The following MRS2 variants were observed in gnomAD, a reference collection of about 807,000 sequenced individuals.
MRS2 encodes the protein magnesium transporter MRS2 homolog, mitochondrial.
In MRS2, 40 loss-of-function variants were observed where a neutral mutation model predicts 52.6. The ratio of observed to expected loss-of-function variants is 0.76; its 90% CI spans 0.59 to 0.99. The LOEUF (loss-of-function observed/expected upper bound fraction) is 0.99, where lower values mean the gene tolerates loss of function less well. Ranked by LOEUF, MRS2 falls within the 50% of genes least tolerant of loss-of-function variation. The pLI, the probability that MRS2 is intolerant of heterozygous loss-of-function variation, is 0.00. For synonymous variants in MRS2, 193 were observed against 195.9 expected, an observed-to-expected ratio of 0.98 and a Z score of 0.13; for missense variants, 472 against 532.7, an observed-to-expected ratio of 0.89 and a Z score of 1.12.
chr6:24,408,403 T>A lies in MRS2; in HGVS notation c.265-5T>A. On this transcript the variant is annotated splice_region_variant and splice_polypyrimidine_tract_variant and intron_variant, in intron 2 of 10. Transcript: ENST00000378386. ...ATCATAATTTGTTTTATTCTCTATT[T>A]TCAGACAAAATTTGACAAACAGGGA... is the stretch of plus-strand genomic sequence containing the variant. 1 of 1,569,960 alleles carries A rather than the reference T, an allele frequency of 6.4e-7. No homozygotes were observed.
At chr6:24,417,287 C>T (rs1012696274) in intron 7 of MRS2, among the ~76,000 whole-genome samples, 5 of 152,138 alleles carry the variant, frequency 3.3e-5, no homozygotes, top group African/African-American at 7.2e-5. Flanking sequence ...GTACTTCATT[C>T]CCCCTTACCC....
In MRS2 at chr6:24,423,181, TTTCC is replaced by T. The variant is rs1762111172; in HGVS notation, c.1221+132_1221+135del. ...AGTTGCTTTCTCAAACTTCCTTCAG[TTTCC>T]CTATCTGTCAGTTAAGTCGGTATTA... On this transcript the variant is annotated intron_variant, in intron 10 of 10. Transcript: ENST00000378386. 12 of 669,574 alleles carry T rather than the reference TTTCC, an allele frequency of 1.8e-5. No homozygotes were observed. In the East Asian group the frequency reaches 3.1e-4, roughly 17 times the overall value. The allele number at this position is 669,574 out of a possible 1,614,324, so 41.5% of individuals were successfully genotyped here.
rs1261408144 is a variant in MRS2, at chr6:24,403,148, T to C, written c.102T>C (p.Pro34=). 1 of 1,610,890 alleles carries C rather than the reference T, an allele frequency of 6.2e-7. No individual in the cohort carries two copies. The highest frequency in any genetic ancestry group is 1.3e-5 in the African/African-American group (1 of 75,048). ...ALALDVTSVG[P]PVAACGRRAN... is the part of the protein sequence containing the mutation. ...CCTTGGACGTGACCTCTGTGGGTCC[T>C]CCCGTTGCTGCCTGCGGCCGCCGAG... is the stretch of plus-strand genomic sequence containing the variant. The change falls in exon 1 of 11, where the codon CCT becomes CCC. Residue 34 remains proline (P), a synonymous_variant. Coordinates refer to ENST00000378386, the MANE Select transcript of MRS2 (RefSeq NM_020662.4).
At chr6:24,420,740 G>C (rs553287336) in intron 9 of MRS2, among the ~76,000 whole-genome samples, 1 of 152,220 alleles carries the variant, frequency 6.6e-6, no homozygotes, top group South Asian at 2.1e-4. Context: ...AGGAAGATCT[G>C]GGGGAGAGTG....
chr6:24,408,155 C>T (rs545554450), intron 2 of MRS2, among the ~76,000 whole-genome samples: 1 of 152,230 alleles, frequency 6.6e-6, no homozygotes, highest in East Asian at 1.9e-4. Context: ...CCTTTATCAA[C>T]TTTCTAGAGG....
rs1336809479 is a variant in MRS2 at position 24,408,401 on chromosome 6, T to G, written c.265-7T>G. The G allele has an allele frequency of 6.4e-7, 1 of 1,561,448 alleles. No individual in the cohort carries two copies. The highest frequency in any genetic ancestry group is 1.4e-5 in the African/African-American group (1 of 73,766). On this transcript the variant is annotated splice_region_variant and splice_polypyrimidine_tract_variant and intron_variant, in intron 2 of 10. Transcript: ENST00000378386. The stretch of plus-strand genomic sequence containing the variant: ...AAATCATAATTTGTTTTATTCTCTA[T>G]TTTCAGACAAAATTTGACAAACAGG...
chr6:24,422,833 G>A, intron 9 of MRS2, 104 bp from the exon 10 acceptor site: 2 of 724,224 alleles, frequency 2.8e-6, no homozygotes, highest in Non-Finnish European at 4.7e-6. Flanking sequence ...GGAAAGAGCT[G>A]TACAAATAAC....
At chr6:24,406,194 A>C (rs1761470403) in intron 2 of MRS2, among the ~76,000 whole-genome samples, 2 of 151,776 alleles carry the variant, frequency 1.3e-5, no homozygotes. Context: ...GTGGCCTTGG[A>C]CAAGTTACAA....
Position 24,403,205 on chromosome 6 carries a change from G to C in MRS2, c.159G>C (p.Gln53His). 1 of 1,601,932 alleles carries C rather than the reference G, an allele frequency of 6.2e-7. No individual in the cohort carries two copies. Among genetic ancestry groups the C allele is most frequent in the East Asian group, 2.2e-5 (1 of 44,840 alleles). The part of the protein sequence containing the change: ...ANLIGRSRAA[Q>H]LCGPDRLRVA... Reference sequence around the variant, plus strand: ...TGATTGGAAGGAGCCGAGCGGCGCAGCTTTGCGGGCCCGACCGGCTCCGCG... The same window carrying C: ...TGATTGGAAGGAGCCGAGCGGCGCACCTTTGCGGGCCCGACCGGCTCCGCG... Residue 53 changes from glutamine to histidine, a missense_variant, in exon 1 of 11, where the codon CAG (glutamine) becomes CAC (histidine). Physicochemically the swap from Gln to His is conservative, Grantham distance 24. Coordinates refer to ENST00000378386, the MANE Select transcript of MRS2 (RefSeq NM_020662.4).
chr6:24,417,886 G>C (rs1216707944), intron 7 of MRS2, among the ~76,000 whole-genome samples, 198 bp from the exon 8 acceptor site: 2 of 151,422 alleles, frequency 1.3e-5, no homozygotes, highest in African/African-American at 2.4e-5. Context: ...AGGTTGCAGT[G>C]AGCCGAGATC....
chr6:24,405,586 G>C (rs1761440284), intron 2 of MRS2, among the ~76,000 whole-genome samples: 1 of 151,660 alleles, frequency 6.6e-6, no homozygotes, highest in South Asian at 2.1e-4. Flanking sequence ...GCTTTGAAAG[G>C]TCATGATCTC....
At chr6:24,416,063 C>T (rs575843454) in intron 6 of MRS2, among the ~76,000 whole-genome samples, 15 of 152,292 alleles carry the variant, frequency 9.8e-5, no homozygotes, top group African/African-American at 3.6e-4. Context: ...GCTGGGACTG[C>T]AGGCACATGC....
chr6:24,416,334 CTA>C (rs547526413), intron 6 of MRS2, 61 bp from the exon 7 acceptor site: 20 of 691,494 alleles, frequency 2.9e-5, no homozygotes, highest in South Asian at 1.3e-4. Context: ...TCTAAAAACA[CTA>C]TTATGAAATG....
Position 24,418,226 on chromosome 6 carries a change from A to G in MRS2, c.979A>G (p.Asn327Asp), listed in dbSNP as rs377468761. ...TGATTCACAAAGTATTATTTTCATT[A>G]ATCTGGACAGGTAAGAAAGCATTAT... Reference protein sequence around the residue: ...IDDSQSIIFINLDSHRNVMMR... With the variant: ...IDDSQSIIFIDLDSHRNVMMR... The change falls in exon 8 of 11, where the codon AAT (asparagine) becomes GAT (aspartate). Residue 327 changes from asparagine (N) to aspartate (D), a missense_variant. Physicochemically the swap from Asn to Asp is conservative, Grantham distance 23. Coordinates refer to ENST00000378386, the MANE Select transcript of MRS2 (RefSeq NM_020662.4). 2 of 1,605,724 alleles carry G rather than the reference A, an allele frequency of 1.2e-6. No homozygotes were observed. The highest frequency in any genetic ancestry group is 1.7e-6 in the Non-Finnish European group (2 of 1,177,260).
chr6:24,417,486 T>G (rs964321388), intron 7 of MRS2, among the ~76,000 whole-genome samples: 1 of 152,254 alleles, frequency 6.6e-6, no homozygotes, highest in Non-Finnish European at 1.5e-5. Context: ...TGGATTTTCC[T>G]GTAACTGGCA....
At chr6:24,414,394 C>T (rs1476586797) in intron 5 of MRS2, among the ~76,000 whole-genome samples, 2 of 151,932 alleles carry the variant, frequency 1.3e-5, no homozygotes, top group African/African-American at 2.4e-5. Context: ...TAACAAAGCA[C>T]ATCTTGCACC....
rs150362809 is a variant in MRS2, at chr6:24,425,558, A to C, written c.*1864A>C. On this transcript the variant is annotated 3_prime_UTR_variant, in exon 11 of 11. Coordinates refer to ENST00000378386, the MANE Select transcript of MRS2 (RefSeq NM_020662.4). The stretch of plus-strand genomic sequence containing the variant: ...GGATGCTTCTTATACTAAAGTTCTC[A>C]TAAATAATAAATCAGCTTATGCCAA... 1 of 152,358 alleles carries C rather than the reference A, an allele frequency of 6.6e-6. No individual in the cohort carries two copies. Among genetic ancestry groups the C allele is most frequent in the African/African-American group, 2.4e-5 (1 of 41,592 alleles). The allele number at this position is 152,358 out of a possible 1,614,324, so 9.4% of individuals were successfully genotyped here.
chr6:24,417,460 T>C (rs1761888916), intron 7 of MRS2, among the ~76,000 whole-genome samples: 1 of 152,360 alleles, frequency 6.6e-6, no homozygotes. Flanking sequence ...CACTAATTCA[T>C]CTGCATTCAC....
At chr6:24,419,563 A>AAGAC (rs1761974653) in intron 9 of MRS2, among the ~76,000 whole-genome samples, 1 of 152,242 alleles carries the variant, frequency 6.6e-6, no homozygotes. Context: ...TGTAGATGAG[A>AAGAC]AGACTGAGGC....
Sources: allele counts gnomAD v4.1 joint callset (sites outside exome capture counted in the v4.1 genomes callset), GRCh38; gene constraint gnomAD v4.1.1; transcripts MANE v1.5; gene names NCBI Gene and HGNC (gene_info 2026-07-23, HGNC 2026-07-21).